OPLAH: variants seen among roughly 807,000 people sequenced by gnomAD.
The protein encoded by OPLAH is 5-oxoprolinase.
Under a neutral mutation model 122.8 loss-of-function variants are expected in OPLAH, and 103 were observed. The ratio of observed to expected loss-of-function variants is 0.84; its 90% CI spans 0.71 to 0.99. The LOEUF (loss-of-function observed/expected upper bound fraction) is 0.99. Ranked by LOEUF, OPLAH falls within the 50% of genes least tolerant of loss-of-function variation. The probability of loss-of-function intolerance (pLI) is 0.00; values close to 1 mark genes in which losing one functional copy is unlikely to be tolerated. For missense variants in OPLAH, 1,902 were observed against 1,836.5 expected (o/e 1.04, Z -0.65); for synonymous variants, 875 against 796.0 (o/e 1.10, Z -1.67).
chr8:144,053,052 C>G lies in OPLAH; in HGVS notation c.2949G>C (p.Glu983Asp). 1.2e-6 allele frequency: 2 copies of G among 1,602,922 alleles called. No homozygotes were observed. Among genetic ancestry groups the G allele is most frequent in the South Asian group, 2.2e-5 (2 of 89,530 alleles). The change falls in exon 21 of 27, where the codon GAG becomes GAC. Residue 983 changes from glutamate (E) to aspartate (D), a missense_variant. Physicochemically the swap from Glu to Asp is conservative, Grantham distance 45. Around this residue, in one of 3 missense-constraint regions of OPLAH, gnomAD observed 1,726 missense variants for 1,642.1 expected, o/e 1.05. Transcript: ENST00000618853. ...CGTCCATGTGGTCTTCCGAGGACAC[C>G]TCCAGGGGCAGGCCCCGGGCCTGCC... ...TSRQARGLPL[E>D]VSSEDHMDDG...
rs372206861 is a variant in OPLAH at position 144,056,601 on chromosome 8, G to C, written c.1844+17C>G. On this transcript the variant is annotated intron_variant, in intron 13 of 26. Coordinates refer to ENST00000618853, the MANE Select transcript of OPLAH (RefSeq NM_017570.5). ...GAGGGCCCCTTGCCAGGGATCCGGA[G>C]TCAGGAAGCCACGTACCGCTCCACA... 4.3e-6 allele frequency: 7 copies of C among 1,612,284 alleles called. No individual in the cohort carries two copies. Among genetic ancestry groups the C allele is most frequent in the Non-Finnish European group, 5.9e-6 (7 of 1,179,778 alleles).
At chr8:144,052,415 C>A in intron 23 of OPLAH, 34 bp downstream of exon 23, 1 of 1,528,610 alleles carries the variant, frequency 6.5e-7, no homozygotes, top group South Asian at 1.2e-5. Context: ...CCCACCCAGT[C>A]CGCCCCCGAG....
Position 144,051,912 on chromosome 8 carries a change from G to A in OPLAH, c.3622+4C>T, listed in dbSNP as rs1440818713. 4.6e-6 allele frequency: 7 copies of A among 1,531,552 alleles called. No homozygotes were observed. Among genetic ancestry groups the A allele is most frequent in the Non-Finnish European group, 6.1e-6 (7 of 1,145,320 alleles). The allele number at this position is 1,531,552 out of a possible 1,614,324, so 94.9% of individuals were successfully genotyped here. A position where few individuals can be genotyped will look rare whatever the true frequency, so the allele number is the denominator to read the frequency against. On this transcript the variant is annotated splice_donor_region_variant and intron_variant, in intron 25 of 26. Transcript: ENST00000618853. ...AGGGCCGCGAGGGCTGGGGAACCGC[G>A]CACCGTGGAGCCCGTATGGCCGGAA...
Position 144,055,905 on chromosome 8 carries a change from C to T in OPLAH, c.2131G>A (p.Val711Met). ...ILVEPGCQAE[V>M]TKTGDICISV... ...ATGCAGATGTCCCCTGTCTTGGTCA[C>T]CTCTGCCTGGCAACCTGGCTCCACC... is the stretch of plus-strand genomic sequence containing the variant. Residue 711 changes from valine to methionine, a missense_variant, in exon 16 of 27, where the codon GTG becomes ATG. Val to Met is a conservative substitution (Grantham distance 21, BLOSUM62 1). Coordinates refer to ENST00000618853, the MANE Select transcript of OPLAH (RefSeq NM_017570.5). The surrounding 1 kb of genome is among the most constrained non-coding windows in gnomAD (Gnocchi z 6.5). 6.3e-7 allele frequency: 1 copy of T among 1,588,320 alleles called. No individual in the cohort carries two copies. The highest frequency in any genetic ancestry group is 8.6e-7 in the Non-Finnish European group (1 of 1,167,530).
At position 144,056,646 on chromosome 8, in the gene OPLAH, C is replaced by T. The variant is rs2129802919; in HGVS notation, c.1816G>A (p.Gly606Arg). 4 of 1,612,134 alleles carry T rather than the reference C, an allele frequency of 2.5e-6. No individual in the cohort carries two copies. The East Asian group carries it at 8.9e-5, about 36-fold the overall frequency. The part of the protein sequence containing the change: ...HPATARSPRA[G>R]DFGAAFVERY... Reference sequence around the variant, plus strand: ...TCCACAAAGGCTGCCCCGAAGTCCCCCGCACGGGGCGAGCGGGCTGTGGCT... The same window carrying T: ...TCCACAAAGGCTGCCCCGAAGTCCCTCGCACGGGGCGAGCGGGCTGTGGCT... Residue 606 changes from glycine (G) to arginine (R), a missense_variant, in exon 13 of 27, where the codon GGG (glycine) becomes AGG (arginine). Gly to Arg is a moderately radical substitution (Grantham distance 125). Coordinates refer to ENST00000618853, the MANE Select transcript of OPLAH (RefSeq NM_017570.5).
downstream of OPLAH, chr8:144,051,132 T>C: frequency 7.1e-7 from 1 of 1,401,456 alleles, no homozygotes; most frequent in East Asian, 2.9e-5. Context: ...GCAGGTGACG[T>C]TCAGTACCGC....
At position 144,056,712 on chromosome 8, in the gene OPLAH, C is replaced by A. The variant is rs10107332; in HGVS notation, c.1750G>T (p.Gly584Cys). ...GACACCATCAGAGCACAGTCCGTGC[C>A]CTGGTAGCGCAGGTGCAGGAAGCTC... ...TESFLHLRYQGTDCALMVSAH... is the reference protein window; with the variant it reads ...TESFLHLRYQCTDCALMVSAH... Residue 584 changes from glycine (G) to cysteine (C), a missense_variant, in exon 13 of 27, where the codon GGC becomes TGC. By Grantham distance (159) the Gly-to-Cys change is radical (BLOSUM62 -3). Transcript: ENST00000618853. 28,873 of 1,611,164 alleles carry A rather than the reference C, an allele frequency of 0.018. 323 individuals carry two copies. The highest frequency in any genetic ancestry group is 0.021 in the Non-Finnish European group (24,681 of 1,179,282).
chr8:144,054,806 C>T lies in OPLAH; in HGVS notation c.2511+6G>A, dbSNP rs1587555898. ...CCAGCAGAGGCAGGCGGGCAGCACC[C>T]CTCACCGGTGTGATAACAGTCAGGT... is the stretch of plus-strand genomic sequence containing the variant. On this transcript the variant is annotated splice_donor_region_variant and intron_variant, in intron 18 of 26. Transcript: ENST00000618853. The T allele has an allele frequency of 6.2e-7, 1 of 1,612,212 alleles. No individual in the cohort carries two copies. The highest frequency in any genetic ancestry group is 8.5e-7 in the Non-Finnish European group (1 of 1,179,800).
upstream of OPLAH, among the ~76,000 whole-genome samples, chr8:144,061,220 A>G (rs559803644): frequency 1.3e-5 from 2 of 152,342 alleles, no homozygotes; most frequent in South Asian, 4.1e-4. Flanking sequence ...AAAGAGGCCG[A>G]AACCTACTGG....
chr8:144,055,955 C>T lies in OPLAH; in HGVS notation c.2097-16G>A. ...CAGGATGGTGCTGGGGAGCAGAGGG[C>T]ACAGAGGGCTGCATGGGGCCAGGCG... On this transcript the variant is annotated splice_polypyrimidine_tract_variant and intron_variant, in intron 15 of 26. Coordinates refer to ENST00000618853, the MANE Select transcript of OPLAH (RefSeq NM_017570.5). The surrounding 1 kb of genome is among the most constrained non-coding windows in gnomAD (Gnocchi z 6.5). The T allele has an allele frequency of 1.3e-6, 2 of 1,554,314 alleles. No homozygotes were observed. The highest frequency in any genetic ancestry group is 1.7e-6 in the Non-Finnish European group (2 of 1,146,802).
At chr8:144,060,360 C>T (rs942472342) in intron 1 of OPLAH, among the ~76,000 whole-genome samples, 5 of 152,160 alleles carry the variant, frequency 3.3e-5, no homozygotes, top group African/African-American at 1.2e-4. Context: ...GTGGGGACGC[C>T]GCTGGACCCT....
At position 144,051,949 on chromosome 8, in the gene OPLAH, C is replaced by G; in HGVS notation, c.3589G>C (p.Glu1197Gln). The G allele has an allele frequency of 2.6e-6, 4 of 1,554,128 alleles. No individual in the cohort carries two copies. Among genetic ancestry groups the G allele is most frequent in the Non-Finnish European group, 3.5e-6 (4 of 1,158,366 alleles). ...REEALLSVLT[E>Q]RRAFRPYGLH... ...CCGTATGGCCGGAAGGCGCGGCGCT[C>G]GGTCAGCACTGACAGCAGCGCCTCC... is the stretch of plus-strand genomic sequence containing the variant. Residue 1197 changes from glutamate to glutamine, a missense_variant, in exon 25 of 27, where the codon GAG becomes CAG. Around this residue, in one of 3 missense-constraint regions of OPLAH, gnomAD observed 1,726 missense variants for 1,642.1 expected, o/e 1.05. Transcript: ENST00000618853.
chr8:144,058,861 C>T lies in OPLAH; in HGVS notation c.499G>A (p.Val167Met). The T allele has an allele frequency of 6.4e-7, 1 of 1,565,666 alleles. No homozygotes were observed. The highest frequency in any genetic ancestry group is 8.7e-7 in the Non-Finnish European group (1 of 1,156,018). The part of the protein sequence containing the change: ...TGDLLEVQQP[V>M]DLGALRGKLE... The stretch of plus-strand genomic sequence containing the variant: ...TTCCCACGCAGGGCCCCCAGGTCCA[C>T]AGGCTGCTGCACTTCCAGCAGGTCC... The change falls in exon 5 of 27, where the codon GTG becomes ATG. Residue 167 changes from valine (V) to methionine (M), a missense_variant. Val to Met is a conservative substitution (Grantham distance 21). Around this residue, in one of 3 missense-constraint regions of OPLAH, gnomAD observed 1,726 missense variants for 1,642.1 expected, o/e 1.05. Coordinates refer to ENST00000618853, the MANE Select transcript of OPLAH (RefSeq NM_017570.5).
chr8:144,054,482 G>A (rs1835459147), intron 19 of OPLAH, 79 bp downstream of exon 19: 13 of 1,429,530 alleles, frequency 9.1e-6, no homozygotes, highest in South Asian at 2.8e-5. Context: ...TGCATCCCAC[G>A]GTCCAGCCAG....
Position 144,057,834 on chromosome 8 carries a change from C to T in OPLAH, c.1156+22G>A, listed in dbSNP as rs1554759720. The T allele has an allele frequency of 1.9e-6, 3 of 1,607,314 alleles. No individual in the cohort carries two copies. In the Admixed American group the frequency reaches 5.1e-5, roughly 27 times the overall value. On this transcript the variant is annotated intron_variant, in intron 9 of 26. Transcript: ENST00000618853. ...GCGGCAAGCGGAGGGCAAGGCCAGG[C>T]CGGCCAGATCCTGACTCTTACCTTT...
At position 144,055,340 on chromosome 8, in the gene OPLAH, C is replaced by A. The variant is rs561225547; in HGVS notation, c.2249-151G>T. Reference sequence around the variant, plus strand: ...GGGGAAGACCAAGTTGACGGTGTGCCCACTTGGCCACGTCTTAGCCTATGT... The same window carrying A: ...GGGGAAGACCAAGTTGACGGTGTGCACACTTGGCCACGTCTTAGCCTATGT... On this transcript the variant is annotated intron_variant, in intron 16 of 26. Transcript: ENST00000618853. This position sits in a 1 kb window ranked among gnomAD's most constrained non-coding sequence, Gnocchi z 6.5. 4.6e-4 allele frequency among the ~76,000 whole-genome samples: 70 copies of A among 152,152 alleles called. No individual in the cohort carries two copies. The highest frequency in any genetic ancestry group is 1.4e-3 in the African/African-American group (58 of 41,466).
intron 26 of OPLAH, 58 bp downstream of exon 26, chr8:144,051,671 G>C (rs1466190779): frequency 7.1e-7 from 1 of 1,408,308 alleles, no homozygotes; most frequent in African/African-American, 1.4e-5. Context: ...CCCCCTCTGT[G>C]GGATGGGGCC....
chr8:144,053,467 G>T, intron 19 of OPLAH, 74 bp from the exon 20 acceptor site: 1 of 1,445,384 alleles, frequency 6.9e-7, no homozygotes, highest in Non-Finnish European at 9.4e-7. Flanking sequence ...CCCAGATCCA[G>T]ACAAGGTCTC....
intron 23 of OPLAH, 23 bp from the exon 24 acceptor site, chr8:144,052,349 G>A (rs1554757885): frequency 1.3e-6 from 2 of 1,511,892 alleles, no homozygotes; most frequent in Non-Finnish European, 1.8e-6. Context: ...CCTGGTCGCT[G>A]CGCTGGGCTG....
Sources: allele counts gnomAD v4.1 joint callset (sites outside exome capture counted in the v4.1 genomes callset), GRCh38; gene constraint gnomAD v4.1.1; regional missense constraint gnomAD v4.1.1; non-coding constraint Gnocchi (gnomAD v3.1); transcripts MANE v1.5; gene names NCBI Gene and HGNC (gene_info 2026-07-23, HGNC 2026-07-21).